Variants in DNAJB1 observed in about 807,000 individuals in gnomAD.
DNAJB1 encodes DnaJ heat shock protein family (Hsp40) member B1.
A neutral mutation model predicts 24.0 loss-of-function variants in DNAJB1; 14 were observed. That is an observed-to-expected ratio of 0.58 (90% confidence interval 0.39 to 0.91). DNAJB1 has a LOEUF of 0.91. DNAJB1 is among the 40% of genes least tolerant of loss of function. DNAJB1 has a pLI of 0.00. For missense variants in DNAJB1, 517 were observed against 458.1 expected (o/e 1.13, Z -1.17); for synonymous variants, 262 against 174.4 (o/e 1.50, Z -3.96).
rs144442851 is a variant in DNAJB1 at position 14,516,578 on chromosome 19, G to A, written c.680C>T (p.Thr227Ile). The change falls in exon 2 of 3, where the codon ACC (threonine) becomes ATC (isoleucine). Residue 227 changes from threonine to isoleucine, a missense_variant. Physicochemically the swap from Thr to Ile is moderately conservative, Grantham distance 89 (BLOSUM62 -1). Transcript: ENST00000254322. ...KITFPKEGDQ[T>I]SNNIPADIVF... ...GATATCAGCTGGAATGTTGTTGGAG[G>A]TCTGGTCTCCTTCCTTGGGGAAAGT... 22 of 1,614,074 alleles carry A rather than the reference G, an allele frequency of 1.4e-5. No homozygotes were observed. The East Asian group carries it at 1.6e-4, about 11-fold the overall frequency.
At chr19:14,518,414 G>A (rs1467717041), upstream of DNAJB1, 27 of 1,445,676 alleles carry the variant, frequency 1.9e-5, no homozygotes, top group Non-Finnish European at 2.4e-5. Context: ...GACCAGTCCC[G>A]GACTCTATAT....
upstream of DNAJB1, among the ~76,000 whole-genome samples, chr19:14,522,347 T>C (rs915970459): frequency 6.6e-6 from 1 of 151,554 alleles, no homozygotes; most frequent in East Asian, 1.9e-4. Context: ...AGGCCGGGTG[T>C]GGTGGGTCAC....
chr19:14,518,100 T>C, intron 1 of DNAJB1, 39 bp downstream of exon 1: 2 of 1,426,706 alleles, frequency 1.4e-6, no homozygotes, highest in East Asian at 5.7e-5. Flanking sequence ...TCCCTGTCTG[T>C]CAAAAGGCGG....
chr19:14,522,671 GACACACACACAGACACAC>G (rs1237528569), upstream of DNAJB1, among the ~76,000 whole-genome samples: 1 of 63,042 alleles, frequency 1.6e-5, no homozygotes, highest in Non-Finnish European at 3.1e-5. Context: ...CACAAACACA[GACACACACACAGACACAC>G]ACACACACAC....
At chr19:14,528,271 G>A (rs1409874923) in intron 1 of DNAJB1, among the ~76,000 whole-genome samples, 1 of 134,548 alleles carries the variant, frequency 7.4e-6, no homozygotes, top group East Asian at 2.2e-4. Flanking sequence ...TTTTTGAGAC[G>A]GTCTGTTGCT....
chr19:14,517,998 G>A (rs1262482506), intron 1 of DNAJB1, 141 bp downstream of exon 1: 2 of 922,420 alleles, frequency 2.2e-6, no homozygotes, highest in African/African-American at 1.8e-5. Context: ...CGAGGGCGGA[G>A]GCCCGCGAGG....
chr19:14,560,179 C>T (rs914496266), exon 1 of DNAJB1, among the ~76,000 whole-genome samples: 39 of 152,216 alleles, frequency 2.6e-4, no homozygotes, highest in African/African-American at 8.9e-4. Context: ...CCCCGATGGC[C>T]GTACTCTCCC....
chr19:14,521,184 A>G (rs1005803950), upstream of DNAJB1, among the ~76,000 whole-genome samples: 140 of 152,268 alleles, frequency 9.2e-4, no homozygotes, highest in African/African-American at 3.3e-3. Flanking sequence ...TAGGCCAGGC[A>G]CGGTGACTCA....
intron 2 of DNAJB1, 138 bp downstream of exon 2, chr19:14,516,328 C>A: frequency 7.9e-7 from 1 of 1,266,066 alleles, no homozygotes; most frequent in East Asian, 2.5e-5. Flanking sequence ...CACAACAGCG[C>A]CCTGGTCAGT....
upstream of DNAJB1, among the ~76,000 whole-genome samples, chr19:14,522,685 C>CACACAGACACACAG (rs57282052): frequency 4.1e-5 from 2 of 48,962 alleles, no homozygotes; most frequent in Admixed American, 1.9e-4. Flanking sequence ...CACACACAGA[C>CACACAGACACACAG]ACACACACAC....
At position 14,535,543 on chromosome 19, in the gene DNAJB1, AATATATATATAT is replaced by A. The variant is rs747348455; in HGVS notation, c.-213-7745_-213-7734del. On this transcript the variant is annotated intron_variant, in intron 1 of 3. Transcript: ENST00000676982. ...AAAAAAAAAAAAAAAAAAAAAAAAA[AATATATATATAT>A]ATATATATATATATATATATATATA... Among the ~76,000 whole-genome samples the A allele has an allele frequency of 5.7e-3, 185 of 32,670 alleles. 3 individuals are homozygous for A. Among genetic ancestry groups the A allele is most frequent in the African/African-American group, 0.012 (71 of 5,714 alleles). The allele number at this position is 32,670 out of a possible 152,430, so 21.4% of individuals were successfully genotyped here. A position where few individuals can be genotyped will look rare whatever the true frequency, so the allele number is the denominator to read the frequency against.
chr19:14,552,363 C>T (rs1022553345), upstream of DNAJB1, among the ~76,000 whole-genome samples: 19 of 150,480 alleles, frequency 1.3e-4, no homozygotes, highest in African/African-American at 4.4e-4. Flanking sequence ...TGCACATAGC[C>T]CTGCTCTCTA....
intron 1 of DNAJB1, among the ~76,000 whole-genome samples, chr19:14,559,842 TCTC>T (rs1054065775): frequency 1.3e-5 from 2 of 149,764 alleles, no homozygotes; most frequent in African/African-American, 2.5e-5. Context: ...TATGGAGAGG[TCTC>T]CTGCTCCCCC....
chr19:14,529,782 G>A (rs1183844671), upstream of DNAJB1: 1 of 1,607,668 alleles, frequency 6.2e-7, no homozygotes, highest in Admixed American at 1.7e-5. Flanking sequence ...CGGGACCACG[G>A]GACCCCACTT....
At chr19:14,517,978 G>A (rs1221746435) in intron 1 of DNAJB1, 161 bp downstream of exon 1, 1 of 719,394 alleles carries the variant, frequency 1.4e-6, no homozygotes, top group East Asian at 3.4e-5. Context: ...CCACCGCGCG[G>A]CCGCCAATCC....
upstream of DNAJB1, among the ~76,000 whole-genome samples, chr19:14,550,892 G>A (rs1187338561): frequency 1.3e-5 from 2 of 151,870 alleles, no homozygotes; most frequent in Non-Finnish European, 2.9e-5. Flanking sequence ...GGCTGGTGTC[G>A]AACTCCTGAC....
intron 1 of DNAJB1, among the ~76,000 whole-genome samples, chr19:14,547,859 G>A (rs2073357677): frequency 1.3e-5 from 2 of 150,696 alleles, no homozygotes; most frequent in South Asian, 4.2e-4. Flanking sequence ...ATGGGGTCTT[G>A]CGATGTTGCC....
chr19:14,539,172 T>A (rs1375526538), intron 1 of DNAJB1, among the ~76,000 whole-genome samples: 6 of 147,742 alleles, frequency 4.1e-5, no homozygotes, highest in Non-Finnish European at 9.0e-5. Context: ...TTTTTTGTAT[T>A]TTTAGTAGAG....
rs1568378766 is a variant in DNAJB1 at position 14,515,767 on chromosome 19, G to A, written c.*173C>T. 3 of 632,832 alleles carry A rather than the reference G, an allele frequency of 4.7e-6. No individual in the cohort carries two copies. The highest frequency in any genetic ancestry group is 4.3e-5 in the South Asian group (2 of 46,722). 39.2% of individuals were successfully genotyped at this position (632,832 alleles called of 1,614,324 possible). Reference sequence around the variant, plus strand: ...ATGCCCTATAGCTCGAAAAACCACTGAAGTCTAGTGTGCGACTTTGAAAGA... The same window carrying A: ...ATGCCCTATAGCTCGAAAAACCACTAAAGTCTAGTGTGCGACTTTGAAAGA... On this transcript the variant is annotated 3_prime_UTR_variant, in exon 3 of 3. Coordinates refer to ENST00000254322, the MANE Select transcript of DNAJB1 (RefSeq NM_006145.3).
Sources: allele counts gnomAD v4.1 joint callset (sites outside exome capture counted in the v4.1 genomes callset), GRCh38; gene constraint gnomAD v4.1.1; transcripts MANE v1.5; gene names NCBI Gene and HGNC (gene_info 2026-07-23, HGNC 2026-07-21).